SNTB1: variants seen among roughly 807,000 people sequenced by gnomAD.
SNTB1 encodes the protein syntrophin beta 1.
SNTB1 carries 36 observed loss-of-function variants against 48.9 expected under a neutral mutation model. The observed-to-expected ratio is 0.74, with a 90% CI of 0.56 to 0.97. The LOEUF is 0.97. Ranked by LOEUF, SNTB1 falls within the 50% of genes least tolerant of loss-of-function variation. The pLI, the probability that SNTB1 is intolerant of heterozygous loss-of-function variation, is 0.00. For synonymous variants in SNTB1, 299 were observed against 294.6 expected (o/e 1.01, Z -0.15); for missense variants, 786 against 703.4 (o/e 1.12, Z -1.33).
chr8:120,588,118 A>G (rs544496102), intron 3 of SNTB1, among the ~76,000 whole-genome samples: 1 of 152,304 alleles, frequency 6.6e-6, no homozygotes, highest in East Asian at 1.9e-4. Context: ...TTGTTTCCAA[A>G]GGATAAAAGG....
chr8:120,608,208 A>G (rs1051413960), intron 3 of SNTB1, among the ~76,000 whole-genome samples: 1 of 152,186 alleles, frequency 6.6e-6, no homozygotes, highest in Non-Finnish European at 1.5e-5. Flanking sequence ...CCAAAATTTC[A>G]AATTGCAAAA....
chr8:120,779,231 G>A (rs969031602), intron 1 of SNTB1, among the ~76,000 whole-genome samples: 2 of 152,206 alleles, frequency 1.3e-5, no homozygotes, highest in African/African-American at 2.4e-5. Flanking sequence ...AAGGCTGGGC[G>A]TGGTGGCTCA....
At chr8:120,660,947 T>C (rs903527079) in intron 2 of SNTB1, among the ~76,000 whole-genome samples, 3 of 152,184 alleles carry the variant, frequency 2.0e-5, no homozygotes, top group Admixed American at 6.5e-5. Flanking sequence ...ACAGGATACA[T>C]ACAACATTTA....
chr8:120,811,533 T>C lies in SNTB1; in HGVS notation c.311A>G (p.Glu104Gly), dbSNP rs911340178. The C allele has an allele frequency of 3.1e-6, 5 of 1,610,140 alleles. No individual in the cohort carries two copies. Among genetic ancestry groups the C allele is most frequent in the Non-Finnish European group, 4.2e-6 (5 of 1,178,262 alleles). Residue 104 changes from glutamate to glycine, a missense_variant, in exon 1 of 7, where the codon GAG becomes GGG. Physicochemically the swap from Glu to Gly is moderately conservative, Grantham distance 98. Transcript: ENST00000517992. ...GCCACGCTTCTGGTTCGAGATGGACTCGGGCACCTGCTCGGGCAGGTCGGT... is the reference window on the plus strand; with the variant it reads ...GCCACGCTTCTGGTTCGAGATGGACCCGGGCACCTGCTCGGGCAGGTCGGT... ...AFTDLPEQVP[E>G]SISNQKRGVK...
chr8:120,791,284 T>G (rs919859005), intron 1 of SNTB1, among the ~76,000 whole-genome samples: 4 of 151,894 alleles, frequency 2.6e-5, no homozygotes, highest in African/African-American at 9.7e-5. Flanking sequence ...TCTCACCATA[T>G]ACAAAAATTA....
At chr8:120,670,820 A>G (rs1468955167) in intron 2 of SNTB1, among the ~76,000 whole-genome samples, 1 of 152,190 alleles carries the variant, frequency 6.6e-6, no homozygotes, top group African/African-American at 2.4e-5. Flanking sequence ...CATTCGGAGT[A>G]GATGGACACA....
chr8:120,765,729 T>A (rs1486057918), intron 1 of SNTB1: 1 of 152,236 alleles, frequency 6.6e-6, no homozygotes, highest in Admixed American at 6.5e-5. Context: ...CCCAACACTG[T>A]TGCACTGGGT....
chr8:120,711,157 A>C (rs1304358162), intron 1 of SNTB1, among the ~76,000 whole-genome samples: 1 of 152,232 alleles, frequency 6.6e-6, no homozygotes, highest in Admixed American at 6.5e-5. Flanking sequence ...CAAGCCTGGG[A>C]CAAGTAGCCT....
chr8:120,695,274 A>G (rs1483494507), intron 1 of SNTB1, among the ~76,000 whole-genome samples: 1 of 152,214 alleles, frequency 6.6e-6, no homozygotes, highest in East Asian at 1.9e-4. Flanking sequence ...TTCCCTGTGC[A>G]AGACATCAAC....
At chr8:120,808,927 T>C (rs924860681) in intron 1 of SNTB1, among the ~76,000 whole-genome samples, 2 of 152,178 alleles carry the variant, frequency 1.3e-5, no homozygotes, top group Non-Finnish European at 2.9e-5. Context: ...ACTTGCTATA[T>C]AAATGTACCT....
At chr8:120,604,152 G>T (rs1249111905) in intron 3 of SNTB1, among the ~76,000 whole-genome samples, 1 of 152,220 alleles carries the variant, frequency 6.6e-6, no homozygotes, top group Non-Finnish European at 1.5e-5. Context: ...CACAGATCAA[G>T]AGAGAAACTG....
chr8:120,548,269 G>A (rs1312947963), intron 5 of SNTB1, among the ~76,000 whole-genome samples: 1 of 152,190 alleles, frequency 6.6e-6, no homozygotes, highest in East Asian at 1.9e-4. Context: ...TGCAGAACTG[G>A]GAGCCAAAGT....
chr8:120,747,362 C>T (rs1819142231), intron 1 of SNTB1, among the ~76,000 whole-genome samples: 1 of 152,166 alleles, frequency 6.6e-6, no homozygotes, highest in Admixed American at 6.5e-5. Context: ...ACAATCTTGG[C>T]TAGTTGTAAC....
intron 4 of SNTB1, among the ~76,000 whole-genome samples, chr8:120,567,329 C>A (rs567657561): frequency 2.0e-5 from 3 of 151,802 alleles, no homozygotes; most frequent in African/African-American, 4.8e-5. Context: ...GCAAGGTTTG[C>A]AAACCCTAAT....
At chr8:120,665,037 C>T (rs1292025855) in intron 2 of SNTB1, among the ~76,000 whole-genome samples, 1 of 152,182 alleles carries the variant, frequency 6.6e-6, no homozygotes, top group Non-Finnish European at 1.5e-5. Flanking sequence ...AAGTAGATCA[C>T]CTTTTCCTGT....
intron 1 of SNTB1, among the ~76,000 whole-genome samples, chr8:120,754,636 G>A (rs1344081253): frequency 6.6e-6 from 1 of 152,162 alleles, no homozygotes; most frequent in East Asian, 1.9e-4. Flanking sequence ...CATGTGAAGT[G>A]TAGATGTAGA....
intron 1 of SNTB1, among the ~76,000 whole-genome samples, chr8:120,731,432 G>C (rs1818848556): frequency 6.6e-6 from 1 of 152,154 alleles, no homozygotes; most frequent in Admixed American, 6.5e-5. Flanking sequence ...CTAGTCAATG[G>C]CGGAGCATTA....
At chr8:120,665,220 G>A (rs1190756750) in intron 2 of SNTB1, among the ~76,000 whole-genome samples, 1 of 152,114 alleles carries the variant, frequency 6.6e-6, no homozygotes, top group Non-Finnish European at 1.5e-5. Flanking sequence ...GGGAGGCCGA[G>A]GTGGGTGGAT....
intron 1 of SNTB1, among the ~76,000 whole-genome samples, chr8:120,801,022 T>TA (rs1295142066): frequency 6.6e-6 from 1 of 152,096 alleles, no homozygotes; most frequent in Non-Finnish European, 1.5e-5. Flanking sequence ...TTCTGGGAAA[T>TA]ATATAGTCTA....
Sources: allele counts gnomAD v4.1 joint callset (sites outside exome capture counted in the v4.1 genomes callset), GRCh38; gene constraint gnomAD v4.1.1; transcripts MANE v1.5; gene names NCBI Gene and HGNC (gene_info 2026-07-23, HGNC 2026-07-21).